EHBP1: variants seen among roughly 807,000 people sequenced by gnomAD.
The protein encoded by EHBP1 is EH domain-binding protein 1.
A neutral mutation model predicts 144.0 loss-of-function variants in EHBP1; 55 were observed. That is an observed-to-expected ratio of 0.38 (90% confidence interval 0.31 to 0.48). The LOEUF is 0.48. Ranked by LOEUF, EHBP1 falls within the 20% of genes least tolerant of loss-of-function variation. The pLI, the probability that EHBP1 is intolerant of heterozygous loss-of-function variation, is 0.98. For missense variants in EHBP1, 1,200 were observed against 1,364.2 expected, an observed-to-expected ratio of 0.88 and a Z score of 1.90; for synonymous variants, 469 against 472.7, an observed-to-expected ratio of 0.99 and a Z score of 0.10.
At chr2:62,836,131 G>C (rs990713568) in intron 7 of EHBP1, among the ~76,000 whole-genome samples, 3 of 152,114 alleles carry the variant, frequency 2.0e-5, no homozygotes, top group Admixed American at 2.0e-4. Flanking sequence ...CTCCCAGCAC[G>C]CAGCTGGAGA....
intron 8 of EHBP1, among the ~76,000 whole-genome samples, chr2:62,863,154 A>C (rs191955620): frequency 6.6e-6 from 1 of 152,048 alleles, no homozygotes; most frequent in African/African-American, 2.4e-5. Context: ...GTGGTGGCGC[A>C]TGCCTATAAT....
At chr2:62,747,941 C>T (rs918426070) in intron 3 of EHBP1, among the ~76,000 whole-genome samples, 1 of 151,968 alleles carries the variant, frequency 6.6e-6, no homozygotes, top group Non-Finnish European at 1.5e-5. Flanking sequence ...TAAGAAGGCC[C>T]TCACCAGATG....
At position 62,990,868 on chromosome 2, in the gene EHBP1, G is replaced by A. The variant is rs111309899; in HGVS notation, c.2733+28G>A. 11 of 1,583,762 alleles carry A rather than the reference G, an allele frequency of 6.9e-6. No homozygotes were observed. The East Asian group carries it at 2.3e-4, about 33-fold the overall frequency. On this transcript the variant is annotated intron_variant, in intron 16 of 22. Coordinates refer to ENST00000431489, the MANE Select transcript of EHBP1 (RefSeq NM_001142616.3). ...AAGTCTTACTTGTTTAAAACATTTG[G>A]CTTAGTATCTGTGTCTTCTAGTTTC... is the stretch of plus-strand genomic sequence containing the variant.
chr2:62,788,162 A>G (rs1245258956), intron 5 of EHBP1, among the ~76,000 whole-genome samples: 1 of 147,618 alleles, frequency 6.8e-6, no homozygotes, highest in Non-Finnish European at 1.5e-5. Flanking sequence ...TAATTATACA[A>G]TAATTCTGTA....
intron 21 of EHBP1, chr2:63,044,850 C>T: frequency 4.1e-6 from 2 of 482,930 alleles, no homozygotes; most frequent in Admixed American, 3.3e-5. Context: ...AACACTGCTG[C>T]AGCCATCTCC....
chr2:62,971,090 A>G (rs538799263), intron 14 of EHBP1, among the ~76,000 whole-genome samples: 2 of 152,336 alleles, frequency 1.3e-5, no homozygotes, highest in South Asian at 4.1e-4. Flanking sequence ...GGCAGATTGT[A>G]GACCATTTCA....
At chr2:62,928,567 T>C (rs1262708156) in intron 10 of EHBP1, among the ~76,000 whole-genome samples, 2 of 152,112 alleles carry the variant, frequency 1.3e-5, no homozygotes, top group Non-Finnish European at 2.9e-5. Flanking sequence ...ACATGTTGTA[T>C]AGCTGATGGG....
chr2:62,960,046 G>A (rs2057917754), intron 14 of EHBP1, among the ~76,000 whole-genome samples: 2 of 152,016 alleles, frequency 1.3e-5, no homozygotes, highest in South Asian at 2.1e-4. Flanking sequence ...ATTCAGAAAA[G>A]GGTTAAAGGA....
chr2:62,729,405 A>AATATCATATTTATTAT (rs1336279376), intron 2 of EHBP1, among the ~76,000 whole-genome samples: 5 of 115,776 alleles, frequency 4.3e-5, no homozygotes, highest in Non-Finnish European at 8.4e-5. Flanking sequence ...ATATATAATA[A>AATATCATATTTATTAT]ATATAATAAT....
chr2:62,824,827 G>T (rs1263540223), intron 5 of EHBP1, among the ~76,000 whole-genome samples: 1 of 151,748 alleles, frequency 6.6e-6, no homozygotes, highest in Non-Finnish European at 1.5e-5. Flanking sequence ...TTAATATTTT[G>T]ATTAAATTAG....
chr2:62,925,191 T>G (rs1266697850), intron 10 of EHBP1, among the ~76,000 whole-genome samples: 1 of 152,190 alleles, frequency 6.6e-6, no homozygotes, highest in East Asian at 1.9e-4. Flanking sequence ...TAATTAGGTA[T>G]AGAAGGTTAA....
Position 62,960,520 on chromosome 2 carries a change from T to C in EHBP1, c.2460+4860T>C, listed in dbSNP as rs147268728. On this transcript the variant is annotated intron_variant, in intron 14 of 22. Coordinates refer to ENST00000431489, the MANE Select transcript of EHBP1 (RefSeq NM_001142616.3). ...TAGCATGCATTCATCCCAATATAAT[T>C]ATCTAATTACAAATCTCTTCCTCTC... 8.8e-4 allele frequency among the ~76,000 whole-genome samples: 134 copies of C among 152,312 alleles called. 2 individuals are homozygous for C. The highest frequency in any genetic ancestry group is 3.0e-3 in the African/African-American group (123 of 41,574).
At chr2:62,879,590 C>CACACACACAG (rs1453595274) in intron 10 of EHBP1, among the ~76,000 whole-genome samples, 28 of 139,200 alleles carry the variant, frequency 2.0e-4, no homozygotes, top group South Asian at 1.2e-3. Flanking sequence ...CACACACACA[C>CACACACACAG]AGAGACAGAG....
chr2:62,984,402 C>T (rs1041068446), intron 15 of EHBP1, among the ~76,000 whole-genome samples: 6 of 152,172 alleles, frequency 3.9e-5, no homozygotes, highest in Non-Finnish European at 8.8e-5. Flanking sequence ...TTTACCTTTT[C>T]CTGCACACAC....
At chr2:62,956,510 A>G (rs1000286191) in intron 14 of EHBP1, among the ~76,000 whole-genome samples, 2 of 152,098 alleles carry the variant, frequency 1.3e-5, no homozygotes, top group African/African-American at 4.8e-5. Context: ...TAGTCCCAAG[A>G]TATTTTCCCA....
intron 5 of EHBP1, among the ~76,000 whole-genome samples, chr2:62,802,306 G>C (rs552742846): frequency 6.6e-6 from 1 of 152,326 alleles, no homozygotes; most frequent in Non-Finnish European, 1.5e-5. Context: ...AGGAGGGGCA[G>C]GGTATGCCAC....
chr2:62,989,162 T>C (rs1468250323), intron 15 of EHBP1, among the ~76,000 whole-genome samples: 1 of 152,164 alleles, frequency 6.6e-6, no homozygotes, highest in Non-Finnish European at 1.5e-5. Flanking sequence ...ATTTTACTTC[T>C]TTCTGTTTAA....
At chr2:62,760,655 T>C (rs1222439885) in intron 3 of EHBP1, among the ~76,000 whole-genome samples, 5 of 152,164 alleles carry the variant, frequency 3.3e-5, no homozygotes, top group African/African-American at 7.2e-5. Context: ...TTTCCCACTT[T>C]TGATCACTGT....
Position 62,826,268 on chromosome 2 carries a change from C to T in EHBP1, c.494C>T (p.Thr165Ile), listed in dbSNP as rs761860848. Residue 165 changes from threonine to isoleucine, a missense_variant and splice_region_variant, in exon 6 of 23, where the codon ACA (threonine) becomes ATA (isoleucine). By Grantham distance (89) the Thr-to-Ile change is moderately conservative. Transcript: ENST00000431489. ...SCIFLREGKA[T>I]DEDMQSLASL... is the part of the protein sequence containing the mutation. ...ATTTTTCTGAGGGAAGGAAAAGCCA[C>T]GTAAGTTTCTTTTGTCAAATAAGCT... 1.3e-6 allele frequency: 2 copies of T among 1,594,734 alleles called. No homozygotes were observed. Among genetic ancestry groups the T allele is most frequent in the Non-Finnish European group, 8.5e-7 (1 of 1,172,878 alleles).
Sources: allele counts gnomAD v4.1 joint callset (sites outside exome capture counted in the v4.1 genomes callset), GRCh38; gene constraint gnomAD v4.1.1; transcripts MANE v1.5; gene names NCBI Gene and HGNC (gene_info 2026-07-23, HGNC 2026-07-21).